Variants in RANBP9 observed in about 807,000 individuals in gnomAD.
RANBP9 encodes ran-binding protein 9.
A neutral mutation model predicts 84.3 loss-of-function variants in RANBP9; 15 were observed. The ratio of observed to expected loss-of-function variants is 0.18; its 90% CI spans 0.12 to 0.27. The LOEUF is 0.27. Ranked by LOEUF, RANBP9 falls within the 10% of genes least tolerant of loss-of-function variation. The pLI is 1.00. For synonymous variants in RANBP9, 392 were observed against 349.6 expected, an observed-to-expected ratio of 1.12 and a Z score of -1.35; for missense variants, 809 against 912.8, an observed-to-expected ratio of 0.89 and a Z score of 1.46.
intron 2 of RANBP9, 144 bp from the exon 3 acceptor site, chr6:13,658,976 T>C (rs2127770965): frequency 1.4e-6 from 1 of 736,192 alleles, no homozygotes; most frequent in Non-Finnish European, 2.4e-6. Flanking sequence ...TACAATTTAT[T>C]ATGTAACAAC....
chr6:13,634,649 A>G (rs1764890792), intron 10 of RANBP9, 97 bp from the exon 11 acceptor site: 1 of 1,124,386 alleles, frequency 8.9e-7, no homozygotes, highest in Non-Finnish European at 1.2e-6. Context: ...CGAATAAACT[A>G]ATTTCATAAG....
At chr6:13,638,244 A>C (rs1362411873) in intron 9 of RANBP9, among the ~76,000 whole-genome samples, 1 of 152,162 alleles carries the variant, frequency 6.6e-6, no homozygotes, top group Non-Finnish European at 1.5e-5. Context: ...ATATGAATAC[A>C]CTGAGGCTCA....
At chr6:13,650,736 A>G (rs953130710) in intron 5 of RANBP9, among the ~76,000 whole-genome samples, 2 of 152,176 alleles carry the variant, frequency 1.3e-5, no homozygotes, top group East Asian at 1.9e-4. Flanking sequence ...ATGACGGAGA[A>G]GACAGTATCA....
At chr6:13,622,560 GAGA>G in intron 13 of RANBP9, 68 bp from the exon 14 acceptor site, 1 of 1,454,356 alleles carries the variant, frequency 6.9e-7, no homozygotes, top group South Asian at 1.4e-5. Context: ...TTTCAATCAG[GAGA>G]ATACTGCAAT....
At chr6:13,641,446 G>A in intron 7 of RANBP9, 139 bp from the exon 8 acceptor site, 1 of 579,670 alleles carries the variant, frequency 1.7e-6, no homozygotes. Context: ...TAACATCATA[G>A]TTTCCATTAG....
Position 13,632,469 on chromosome 6 carries a change from G to A in RANBP9, c.1848C>T (p.Ala616=). ...RRQLCGGSQA[A]IERMIHFGRE... ...GTCCAAAGTGGATCATTCTTTCTAT[G>A]GCGGCCTGACTTCCTCCACACAACT... is the stretch of plus-strand genomic sequence containing the variant. Residue 616 remains alanine (A), a synonymous_variant, in exon 12 of 14, where the codon GCC becomes GCT. Transcript: ENST00000011619. 1 of 1,613,606 alleles carries A rather than the reference G, an allele frequency of 6.2e-7. No individual in the cohort carries two copies. The highest frequency in any genetic ancestry group is 8.5e-7 in the Non-Finnish European group (1 of 1,179,808).
At chr6:13,639,448 G>A in intron 9 of RANBP9, 115 bp downstream of exon 9, 1 of 1,169,692 alleles carries the variant, frequency 8.5e-7, no homozygotes, top group Non-Finnish European at 1.2e-6. Context: ...AAAGTGCTGG[G>A]ATTACAAGCG....
In RANBP9 at chr6:13,637,584, A is replaced by G. The variant is rs147097524; in HGVS notation, c.1673+224T>C. Among the ~76,000 whole-genome samples, 819 of 152,312 alleles carry G rather than the reference A, an allele frequency of 5.4e-3. 8 individuals are homozygous for G. The highest frequency in any genetic ancestry group is 0.019 in the African/African-American group (789 of 41,574). The stretch of plus-strand genomic sequence containing the variant: ...CCTTATAACTTTACTAGAGGGAAGA[A>G]GGTAGTAGAGAAGAGGAAGAAACTA... On this transcript the variant is annotated intron_variant, in intron 10 of 13. Transcript: ENST00000011619.
chr6:13,679,377 T>TA (rs1282351278), intron 2 of RANBP9, among the ~76,000 whole-genome samples: 2 of 152,158 alleles, frequency 1.3e-5, no homozygotes, highest in Non-Finnish European at 2.9e-5. Context: ...ATTAAGACAA[T>TA]AAGGCTCTAA....
intron 1 of RANBP9, among the ~76,000 whole-genome samples, chr6:13,707,472 C>G (rs1758156921): frequency 6.6e-6 from 1 of 152,144 alleles, no homozygotes; most frequent in Non-Finnish European, 1.5e-5. Context: ...TATTTTCAAT[C>G]TCAACTATTC....
chr6:13,700,232 C>CA (rs1418137788), intron 1 of RANBP9, among the ~76,000 whole-genome samples: 2 of 152,206 alleles, frequency 1.3e-5, no homozygotes, highest in Non-Finnish European at 1.5e-5. Context: ...AACATGCAGC[C>CA]AGCCAGTGCC....
chr6:13,676,058 T>A (rs1032539177), intron 2 of RANBP9, among the ~76,000 whole-genome samples: 3 of 152,038 alleles, frequency 2.0e-5, no homozygotes, highest in Non-Finnish European at 4.4e-5. Flanking sequence ...AATTGTAGTG[T>A]CAAAATAAAC....
intron 1 of RANBP9, among the ~76,000 whole-genome samples, chr6:13,708,204 T>C (rs1758177124): frequency 6.6e-6 from 1 of 152,088 alleles, no homozygotes; most frequent in Non-Finnish European, 1.5e-5. Flanking sequence ...GGAGGATCAC[T>C]GGAGCCCAAA....
Position 13,635,673 on chromosome 6 carries a change from C to T in RANBP9, c.1674-1121G>A, listed in dbSNP as rs929196045. ...AAAGGGGGATATGGCCCTACGACTC[C>T]AGAGCAGACTTACTCAACCAGGAAA... On this transcript the variant is annotated intron_variant, in intron 10 of 13. Transcript: ENST00000011619. Among the ~76,000 whole-genome samples the T allele has an allele frequency of 2.6e-5, 4 of 151,172 alleles. No homozygotes were observed. In the East Asian group the frequency reaches 7.7e-4, roughly 29 times the overall value.
chr6:13,680,017 A>G (rs1216963770), intron 2 of RANBP9, among the ~76,000 whole-genome samples: 6 of 152,184 alleles, frequency 3.9e-5, no homozygotes, highest in Non-Finnish European at 8.8e-5. Flanking sequence ...AACACAAAGT[A>G]AAAGACCCCA....
Position 13,641,254 on chromosome 6 carries a change from G to C in RANBP9, c.1279C>G (p.Gln427Glu). The C allele has an allele frequency of 6.2e-7, 1 of 1,604,472 alleles. No homozygotes were observed. Among genetic ancestry groups the C allele is most frequent in the Non-Finnish European group, 8.5e-7 (1 of 1,175,890 alleles). The stretch of plus-strand genomic sequence containing the variant: ...TCAAGTAAACTTGGGTATAACTGTT[G>C]TGTTGTTTCAATGGCTTCTCCCATT... ...GRMGEAIETT[Q>E]QLYPSLLERN... Residue 427 changes from glutamine (Q) to glutamate (E), a missense_variant, in exon 8 of 14, where the codon CAA becomes GAA. By Grantham distance (29) the Gln-to-Glu change is conservative. Around this residue, in one of 5 missense-constraint regions of RANBP9, gnomAD observed 216 missense variants for 329.0 expected, o/e 0.66. Coordinates refer to ENST00000011619, the MANE Select transcript of RANBP9 (RefSeq NM_005493.3).
At chr6:13,629,700 A>G (rs1764720464) in intron 12 of RANBP9, among the ~76,000 whole-genome samples, 1 of 152,180 alleles carries the variant, frequency 6.6e-6, no homozygotes, top group South Asian at 2.1e-4. Flanking sequence ...AAAATTCAAT[A>G]AACAGCTGCT....
At chr6:13,622,823 T>C (rs1165125334) in intron 13 of RANBP9, among the ~76,000 whole-genome samples, 1 of 152,224 alleles carries the variant, frequency 6.6e-6, no homozygotes, top group Non-Finnish European at 1.5e-5. Flanking sequence ...AAGGAATTAT[T>C]TCCCTTCTGG....
Position 13,711,102 on chromosome 6 carries a change from T to C in RANBP9, c.404A>G (p.His135Arg). 6.4e-7 allele frequency: 1 copy of C among 1,564,542 alleles called. No homozygotes were observed. The highest frequency in any genetic ancestry group is 1.4e-5 in the African/African-American group (1 of 72,844). The change falls in exon 1 of 14, where the codon CAC becomes CGC. Residue 135 changes from histidine (H) to arginine (R), a missense_variant. His to Arg is a conservative substitution (Grantham distance 29). Around this residue, in one of 5 missense-constraint regions of RANBP9, gnomAD observed 302 missense variants for 240.1 expected, o/e 1.26. Coordinates refer to ENST00000011619, the MANE Select transcript of RANBP9 (RefSeq NM_005493.3). Reference protein sequence around the residue: ...AGSSAAAPFPHGDSALNEQEK... With the variant: ...AGSSAAAPFPRGDSALNEQEK... ...CTGCTCGTTCAGGGCCGAGTCCCCG[T>C]GAGGGAAGGGGGCCGCGGCGCTGCT...
Sources: allele counts gnomAD v4.1 joint callset (sites outside exome capture counted in the v4.1 genomes callset), GRCh38; gene constraint gnomAD v4.1.1; regional missense constraint gnomAD v4.1.1; transcripts MANE v1.5; gene names NCBI Gene and HGNC (gene_info 2026-07-23, HGNC 2026-07-21).